LHFPL7: variants seen among roughly 807,000 people sequenced by gnomAD.
LHFPL7 encodes LHFPL tetraspan subfamily member 7.
the LHFPL7 span, chr22:24,935,663 A>T: frequency 6.5e-7 from 1 of 1,543,540 alleles, no homozygotes; most frequent in African/African-American, 1.4e-5. Context: ...CCATCCCACG[A>T]CTCATCCACC....
the LHFPL7 span, chr22:24,939,546 C>A: frequency 4.3e-6 from 3 of 702,684 alleles, no homozygotes; most frequent in Non-Finnish European, 5.2e-6. Context: ...TAGGCAGTAT[C>A]GCTGACCTAG....
chr22:24,941,189 CAG>C, the LHFPL7 span, among the ~76,000 whole-genome samples: 4 of 148,040 alleles, frequency 2.7e-5, no homozygotes, highest in Admixed American at 2.0e-4. Context: ...TTTTTTGAAA[CAG>C]AGTCTTGCTG....
At chr22:24,935,805 C>G in the LHFPL7 span, among the ~76,000 whole-genome samples, 3 of 152,108 alleles carry the variant, frequency 2.0e-5, no homozygotes, top group African/African-American at 7.2e-5. Context: ...CCCATCCATT[C>G]AAACATACTC....
the LHFPL7 span, chr22:24,939,689 T>G: frequency 4.8e-6 from 3 of 625,764 alleles, no homozygotes; most frequent in East Asian, 8.2e-5. Context: ...AGCCTGGAGA[T>G]GCAAATGGGA....
chr22:24,944,792 G>T, the LHFPL7 span, among the ~76,000 whole-genome samples: 1 of 151,578 alleles, frequency 6.6e-6, no homozygotes, highest in Non-Finnish European at 1.5e-5. Flanking sequence ...ATGTTGCCCA[G>T]ACTGGTCTTT....
At chr22:24,945,758 G>C in the LHFPL7 span, among the ~76,000 whole-genome samples, 4 of 152,218 alleles carry the variant, frequency 2.6e-5, no homozygotes, top group Non-Finnish European at 4.4e-5. Context: ...TCCAGCCTGG[G>C]GGGTGCAGGC....
chr22:24,939,247 T>C, the LHFPL7 span: 1 of 694,900 alleles, frequency 1.4e-6, no homozygotes, highest in Non-Finnish European at 2.6e-6. Context: ...GAGGAAAGCC[T>C]CCTCGAATTC....
the LHFPL7 span, among the ~76,000 whole-genome samples, chr22:24,941,840 T>C: frequency 1.8e-4 from 27 of 152,024 alleles, no homozygotes; most frequent in Non-Finnish European, 3.7e-4. Flanking sequence ...CTAATTTTTG[T>C]ATTTTCAGTA....
At chr22:24,946,369 ACT>A in the LHFPL7 span, among the ~76,000 whole-genome samples, 1 of 151,946 alleles carries the variant, frequency 6.6e-6, no homozygotes, top group Non-Finnish European at 1.5e-5. Flanking sequence ...TTCCACGTGC[ACT>A]CTCACATAAG....
chr22:24,935,674 CT>C, the LHFPL7 span: 6 of 1,509,470 alleles, frequency 4.0e-6, no homozygotes, highest in Non-Finnish European at 5.4e-6. Flanking sequence ...CTCATCCACC[CT>C]TTATCCACCC....
chr22:24,935,242 C>G, the LHFPL7 span: 3 of 1,507,636 alleles, frequency 2.0e-6, no homozygotes, highest in Non-Finnish European at 2.7e-6. Context: ...AGTCACACAG[C>G]AAGAAGGAGC....
At chr22:24,939,401 G>C in the LHFPL7 span, 1 of 703,078 alleles carries the variant, frequency 1.4e-6, no homozygotes, top group South Asian at 1.5e-5. Context: ...TCCAACTGTT[G>C]CCCTGAGGCC....
At chr22:24,945,756 G>T in the LHFPL7 span, among the ~76,000 whole-genome samples, 1 of 152,226 alleles carries the variant, frequency 6.6e-6, no homozygotes, top group Non-Finnish European at 1.5e-5. Flanking sequence ...AGTCCAGCCT[G>T]GGGGGTGCAG....
the LHFPL7 span, among the ~76,000 whole-genome samples, chr22:24,940,685 CTCT>C: frequency 8.6e-5 from 6 of 69,630 alleles, no homozygotes; most frequent in African/African-American, 1.9e-4. Context: ...CTCCTTCCTT[CTCT>C]CTCCCTCCCT....
At chr22:24,938,130 G>A in the LHFPL7 span, 118 of 1,612,936 alleles carry the variant, frequency 7.3e-5, no homozygotes, top group African/African-American at 1.4e-3. Context: ...CTGACTATGT[G>A]CCTGTGCATT....
chr22:24,940,687 C>CCCTCCTTCCT, the LHFPL7 span, among the ~76,000 whole-genome samples: 1 of 16,850 alleles, frequency 5.9e-5, no homozygotes, highest in African/African-American at 1.8e-4. Flanking sequence ...CCTTCCTTCT[C>CCCTCCTTCCT]TCTCCCTCCC....
At chr22:24,935,947 A>T in the LHFPL7 span, among the ~76,000 whole-genome samples, 5 of 151,724 alleles carry the variant, frequency 3.3e-5, no homozygotes, top group African/African-American at 2.4e-5. Context: ...TCTTCCATTC[A>T]TCCATCCAGT....
At chr22:24,937,724 G>C in the LHFPL7 span, among the ~76,000 whole-genome samples, 1 of 152,180 alleles carries the variant, frequency 6.6e-6, no homozygotes, top group African/African-American at 2.4e-5. Flanking sequence ...ACAGAAAAGT[G>C]ACCCTTCTCA....
chr22:24,946,419 CCACCCACA>C, the LHFPL7 span, among the ~76,000 whole-genome samples: 1 of 132,728 alleles, frequency 7.5e-6, no homozygotes, highest in South Asian at 2.9e-4. Context: ...ACCCACCCAC[CCACCCACA>C]CACACACACA....
Sources: allele counts gnomAD v4.1 joint callset (sites outside exome capture counted in the v4.1 genomes callset), GRCh38; gene constraint gnomAD v4.1.1; transcripts MANE v1.5; gene names NCBI Gene and HGNC (gene_info 2026-07-23, HGNC 2026-07-21).